The following FRAS1 variants were observed in gnomAD, a reference collection of about 807,000 sequenced individuals.
FRAS1 encodes Fraser extracellular matrix complex subunit 1.
FRAS1 carries 290 observed loss-of-function variants against 435.2 expected under a neutral mutation model. That is an observed-to-expected ratio of 0.67 (90% CI 0.61 to 0.73). The LOEUF (loss-of-function observed/expected upper bound fraction) is 0.73, where lower values mean the gene tolerates loss of function less well. Among genes scored for constraint, FRAS1 ranks in the 30% least tolerant of loss-of-function variants. The pLI is 0.00. For synonymous variants in FRAS1, 1,800 were observed against 1,851.0 expected, an observed-to-expected ratio of 0.97 and a Z score of 0.71; for missense variants, 4,860 against 5,001.5, an observed-to-expected ratio of 0.97 and a Z score of 0.85.
chr4:78,523,876 ACG>A (rs1721459790), intron 69 of FRAS1, among the ~76,000 whole-genome samples: 3 of 152,060 alleles, frequency 2.0e-5, no homozygotes, highest in Admixed American at 1.3e-4. Context: ...CTCTGGTTTC[ACG>A]TGAAACCCAG....
intron 66 of FRAS1, 118 bp downstream of exon 66, chr4:78,516,131 G>T (rs1427947607): frequency 2.7e-6 from 2 of 727,992 alleles, no homozygotes; most frequent in Non-Finnish European, 2.2e-6. Flanking sequence ...CCAACTAAGG[G>T]AGTCTTCTTT....
At chr4:78,503,351 T>C (rs112371282) in intron 61 of FRAS1, among the ~76,000 whole-genome samples, 6 of 152,022 alleles carry the variant, frequency 3.9e-5, no homozygotes, top group Non-Finnish European at 8.8e-5. Context: ...CCTGGACTTT[T>C]TTTGGTTGTT....
intron 70 of FRAS1, among the ~76,000 whole-genome samples, chr4:78,528,690 G>A (rs1188273837): frequency 6.6e-6 from 1 of 151,960 alleles, no homozygotes; most frequent in South Asian, 2.1e-4. Context: ...TCCAGTTTGG[G>A]GCTATGATAA....
chr4:78,242,636 A>G (rs1725055062), intron 3 of FRAS1, among the ~76,000 whole-genome samples: 1 of 152,176 alleles, frequency 6.6e-6, no homozygotes, highest in Admixed American at 6.5e-5. Context: ...GGGTTTCACC[A>G]TGATGGCCAG....
intron 2 of FRAS1, among the ~76,000 whole-genome samples, chr4:78,092,315 G>C (rs1741570263): frequency 6.6e-6 from 1 of 152,146 alleles, no homozygotes; most frequent in Admixed American, 6.6e-5. Flanking sequence ...TCATGCTGCT[G>C]ATAAAGACAT....
At chr4:78,320,145 A>G (rs1729442543) in intron 18 of FRAS1, among the ~76,000 whole-genome samples, 1 of 152,182 alleles carries the variant, frequency 6.6e-6, no homozygotes. Context: ...GAGGATTTTC[A>G]TGGTGCCCAG....
Position 78,374,303 on chromosome 4 carries a change from G to A in FRAS1, c.3151+52G>A, listed in dbSNP as rs1265275335. ...GGAAAGAAGTGAGGGCAGCAAGTAA[G>A]TCACATGTGCTGACTCTCAGGTATC... On this transcript the variant is annotated intron_variant, in intron 25 of 73. Coordinates refer to ENST00000512123, the MANE Select transcript of FRAS1 (RefSeq NM_025074.7). The A allele has an allele frequency of 4.0e-6, 6 of 1,505,670 alleles. No homozygotes were observed. In the African/African-American group the frequency reaches 5.5e-5, roughly 14 times the overall value. 93.3% of individuals were successfully genotyped at this position (1,505,670 alleles called of 1,614,324 possible). A position where few individuals can be genotyped will look rare whatever the true frequency, so the allele number is the denominator to read the frequency against.
intron 9 of FRAS1, among the ~76,000 whole-genome samples, chr4:78,276,122 G>C (rs1003216353): frequency 6.6e-6 from 1 of 152,154 alleles, no homozygotes; most frequent in Non-Finnish European, 1.5e-5. Context: ...ACTGAAGCTT[G>C]TGCATTCATC....
intron 18 of FRAS1, among the ~76,000 whole-genome samples, chr4:78,326,743 G>A (rs1729733805): frequency 6.6e-6 from 1 of 152,068 alleles, no homozygotes; most frequent in African/African-American, 2.4e-5. Context: ...AAGGATAAAG[G>A]GTGGAACTGG....
chr4:78,335,372 C>T (rs891585197), intron 19 of FRAS1, among the ~76,000 whole-genome samples: 1 of 152,180 alleles, frequency 6.6e-6, no homozygotes, highest in Non-Finnish European at 1.5e-5. Flanking sequence ...ATGGCAATCT[C>T]AGCTAGTCAG....
At chr4:78,170,208 T>A (rs1237355502) in intron 2 of FRAS1, among the ~76,000 whole-genome samples, 5 of 152,282 alleles carry the variant, frequency 3.3e-5, no homozygotes, top group African/African-American at 1.2e-4. Flanking sequence ...ATACCCTTAT[T>A]TGTACGTTTG....
In FRAS1 at chr4:78,324,708, CTTTT is replaced by C. The variant is rs139942839; in HGVS notation, c.2137+5742_2137+5745del. On this transcript the variant is annotated intron_variant, in intron 18 of 73. Coordinates refer to ENST00000512123, the MANE Select transcript of FRAS1 (RefSeq NM_025074.7). Reference sequence around the variant, plus strand: ...CTTTCTTTTTATTAAGCTCAGATTCCTTTTTTTTTTTTTTTTTTTTTTTCTGCAT... The same window carrying C: ...CTTTCTTTTTATTAAGCTCAGATTCCTTTTTTTTTTTTTTTTTTTCTGCAT... Among the ~76,000 whole-genome samples the C allele has an allele frequency of 2.6e-4, 23 of 88,088 alleles. No individual in the cohort carries two copies. The South Asian group carries it at 2.8e-3, about 11-fold the overall frequency. 57.8% of individuals were successfully genotyped at this position (88,088 alleles called of 152,430 possible).
intron 58 of FRAS1, among the ~76,000 whole-genome samples, chr4:78,485,397 T>G (rs1297821551): frequency 1.3e-5 from 2 of 152,202 alleles, no homozygotes; most frequent in African/African-American, 2.4e-5. Flanking sequence ...TGATGAGCAT[T>G]GGGTTTGTCA....
chr4:78,505,475 T>C (rs2109879274), intron 61 of FRAS1, among the ~76,000 whole-genome samples: 1 of 152,368 alleles, frequency 6.6e-6, no homozygotes, highest in South Asian at 2.1e-4. Flanking sequence ...ATTTCATTAA[T>C]TTGATCTTCA....
intron 2 of FRAS1, among the ~76,000 whole-genome samples, chr4:78,153,923 A>G (rs1445435032): frequency 6.6e-6 from 1 of 152,122 alleles, no homozygotes; most frequent in Non-Finnish European, 1.5e-5. Context: ...TTATTTCAAG[A>G]TGTCTCTTGC....
chr4:78,130,232 T>A (rs1179507746), intron 2 of FRAS1, among the ~76,000 whole-genome samples: 1 of 152,198 alleles, frequency 6.6e-6, no homozygotes, highest in African/African-American at 2.4e-5. Context: ...TAACGGTGAT[T>A]TTTTAAAAAT....
At chr4:78,440,513 C>G (rs540003114) in intron 40 of FRAS1, among the ~76,000 whole-genome samples, 1 of 152,214 alleles carries the variant, frequency 6.6e-6, no homozygotes, top group African/African-American at 2.4e-5. Flanking sequence ...TTGACCATCT[C>G]CAGCAGGCTA....
intron 2 of FRAS1, among the ~76,000 whole-genome samples, chr4:78,168,319 G>C (rs1033471141): frequency 4.6e-5 from 7 of 152,198 alleles, no homozygotes; most frequent in African/African-American, 1.7e-4. Context: ...AATGTCTGAA[G>C]GTTCCTTTCC....
intron 10 of FRAS1, among the ~76,000 whole-genome samples, chr4:78,280,838 T>A (rs4241623): frequency 0.34 from 51,780 of 151,928 alleles, 9,180 homozygotes; most frequent in South Asian, 0.59. Flanking sequence ...CACATTTTTT[T>A]AAAAAGCTGA....
Sources: gnomAD v4.1 joint callset for allele counts (sites outside exome capture counted in the v4.1 genomes callset) on GRCh38, gnomAD v4.1.1 for gene constraint, MANE v1.5 for transcripts, NCBI Gene and HGNC (gene_info 2026-07-23, HGNC 2026-07-21) for gene names.